Variants in LMBR1 observed in about 807,000 individuals in gnomAD.
The protein encoded by LMBR1 is limb development membrane protein 1.
In LMBR1, 52 loss-of-function variants were observed where a neutral mutation model predicts 73.9. The observed-to-expected ratio is 0.70, with a 90% confidence interval of 0.56 to 0.89. The LOEUF is 0.89. LMBR1 is among the 40% of genes least tolerant of loss of function. The pLI, the probability that LMBR1 is intolerant of heterozygous loss-of-function variation, is 0.00. For synonymous variants in LMBR1, 215 were observed against 209.4 expected (o/e 1.03, Z -0.23); for missense variants, 539 against 579.8 (o/e 0.93, Z 0.72).
chr7:156,725,863 A>G (rs1815638690), intron 12 of LMBR1, 26 bp from the exon 13 acceptor site: 1 of 1,572,282 alleles, frequency 6.4e-7, no homozygotes, highest in East Asian at 2.2e-5. Flanking sequence ...GACACTTTTC[A>G]GAATTTGATG....
intron 1 of LMBR1, among the ~76,000 whole-genome samples, chr7:156,889,333 A>C (rs1343970835): frequency 6.6e-6 from 1 of 151,026 alleles, no homozygotes; most frequent in Non-Finnish European, 1.5e-5. Flanking sequence ...ACGCCACTGA[A>C]CTGTATATTT....
rs1823639087 is a variant in LMBR1, at chr7:156,764,067, T to C, written c.424-272A>G. On this transcript the variant is annotated intron_variant, in intron 5 of 16. Coordinates refer to ENST00000353442, the MANE Select transcript of LMBR1 (RefSeq NM_022458.4). ...TTTTTAACAATTACTTTCCTAACAC[T>C]TTCCACTAACAAAGCAGATTAATGA... is the stretch of plus-strand genomic sequence containing the variant. 2.6e-5 allele frequency among the ~76,000 whole-genome samples: 4 copies of C among 152,214 alleles called. No homozygotes were observed. The South Asian group carries it at 8.3e-4, about 32-fold the overall frequency.
intron 15 of LMBR1, among the ~76,000 whole-genome samples, chr7:156,692,655 C>T (rs1031678433): frequency 2.6e-5 from 4 of 152,158 alleles, no homozygotes; most frequent in African/African-American, 9.7e-5. Flanking sequence ...AGAGAGACTG[C>T]AGTGTAGAGA....
intron 5 of LMBR1, among the ~76,000 whole-genome samples, chr7:156,794,931 T>A (rs1049446047): frequency 1.3e-5 from 2 of 152,156 alleles, no homozygotes; most frequent in Non-Finnish European, 1.5e-5. Flanking sequence ...TATACTCAAG[T>A]GGTAGATGAA....
Position 156,683,980 on chromosome 7 carries a change from G to T in LMBR1, c.*98C>A. ...ACTGATAGGTCTAGGTTCTGAAGAG[G>T]GGCCACGGTTGAATGGAAATGCTTC... On this transcript the variant is annotated 3_prime_UTR_variant, in exon 17 of 17. Transcript: ENST00000353442. 1.0e-6 allele frequency: 1 copy of T among 962,386 alleles called. No homozygotes were observed. The highest frequency in any genetic ancestry group is 1.6e-6 in the Non-Finnish European group (1 of 613,290). 59.6% of individuals were successfully genotyped at this position (962,386 alleles called of 1,614,324 possible).
At position 156,670,235 on chromosome 7, in the gene LMBR1, G is replaced by A. The variant is rs778055236; in HGVS notation, n.867-948C>T. ...CACACACATTTCCTTCTTTGCAGAG[G>A]AGCTGGATGCTAAGCACGGCTGGCT... On this transcript the variant is annotated intron_variant and non_coding_transcript_variant, in intron 4 of 4. Coordinates refer to the LMBR1 transcript ENST00000430825. This position sits in a 1 kb window ranked among gnomAD's most constrained non-coding sequence, Gnocchi z 4.3. Among the ~76,000 whole-genome samples, 3 of 152,170 alleles carry A rather than the reference G, an allele frequency of 2.0e-5. No individual in the cohort carries two copies. Among genetic ancestry groups the A allele is most frequent in the Non-Finnish European group, 4.4e-5 (3 of 68,030 alleles).
At chr7:156,865,439 T>G (rs1468713871) in intron 1 of LMBR1, among the ~76,000 whole-genome samples, 1 of 152,228 alleles carries the variant, frequency 6.6e-6, no homozygotes, top group Non-Finnish European at 1.5e-5. Context: ...AAAGAATTTC[T>G]GAATATAGAA....
At chr7:156,888,787 G>A (rs1802386807) in intron 1 of LMBR1, among the ~76,000 whole-genome samples, 1 of 152,084 alleles carries the variant, frequency 6.6e-6, no homozygotes, top group African/African-American at 2.4e-5. Flanking sequence ...AGGCACAGTG[G>A]CTCACACCTG....
intron 4 of LMBR1, among the ~76,000 whole-genome samples, chr7:156,815,686 T>C (rs539957008): frequency 2.0e-5 from 3 of 152,260 alleles, no homozygotes; most frequent in East Asian, 3.9e-4. Flanking sequence ...TACTTACTAG[T>C]TTCTCTGAGT....
intron 4 of LMBR1, among the ~76,000 whole-genome samples, chr7:156,824,876 A>C (rs1424402170): frequency 5.3e-5 from 8 of 151,922 alleles, no homozygotes; most frequent in Non-Finnish European, 8.8e-5. Flanking sequence ...GATGTTTTCC[A>C]AGTGGAAAAT....
chr7:156,705,489 G>T (rs1563174293), intron 15 of LMBR1, among the ~76,000 whole-genome samples: 1 of 152,332 alleles, frequency 6.6e-6, no homozygotes, highest in East Asian at 1.9e-4. Flanking sequence ...AGCCTGGGAG[G>T]TAGAGGTTGC....
At chr7:156,833,708 G>T in intron 3 of LMBR1, 45 bp downstream of exon 3, 8 of 1,422,976 alleles carry the variant, frequency 5.6e-6, no homozygotes, top group Non-Finnish European at 6.9e-6. Flanking sequence ...GAGAATTGAT[G>T]ACTTCAGAAT....
At position 156,688,034 on chromosome 7, in the gene LMBR1, G is replaced by T; in HGVS notation, c.1383C>A (p.Ala461=). The change falls in exon 16 of 17, where the codon GCC becomes GCA. Residue 461 remains alanine, a synonymous_variant. Transcript: ENST00000353442. ...TSAVREELFK[A]LGLHKLHLPN... Reference sequence around the variant, plus strand: ...ACCCATAAACCTCAGGATTACCTAGGGCCTTGAAAAGTTCTTCTCGAACTG... The same window carrying T: ...ACCCATAAACCTCAGGATTACCTAGTGCCTTGAAAAGTTCTTCTCGAACTG... 1 of 1,598,000 alleles carries T rather than the reference G, an allele frequency of 6.3e-7. No individual in the cohort carries two copies. The highest frequency in any genetic ancestry group is 8.5e-7 in the Non-Finnish European group (1 of 1,175,090).
intron 10 of LMBR1, 81 bp from the exon 11 acceptor site, chr7:156,728,801 A>T: frequency 1.0e-6 from 1 of 970,276 alleles, no homozygotes. Context: ...TCTGTTTTAT[A>T]CATAATTTCT....
chr7:156,775,349 C>T (rs1259896036), intron 5 of LMBR1, among the ~76,000 whole-genome samples: 2 of 152,046 alleles, frequency 1.3e-5, no homozygotes, highest in African/African-American at 2.4e-5. Flanking sequence ...GCCTGGGCGA[C>T]GAAGTGAGAC....
At chr7:156,676,845 TA>T, downstream of LMBR1, 1 of 572,754 alleles carries the variant, frequency 1.7e-6, no homozygotes, top group Non-Finnish European at 3.1e-6. Flanking sequence ...CTTTGGTCTC[TA>T]AAAAGTAAAT....
downstream of LMBR1, chr7:156,676,000 G>T (rs1274617589): frequency 9.7e-6 from 9 of 929,298 alleles, no homozygotes; most frequent in East Asian, 2.3e-4. Context: ...AGCCGTGGAG[G>T]CTGTGGGGGT....
intron 1 of LMBR1, among the ~76,000 whole-genome samples, chr7:156,884,461 G>T (rs1434873487): frequency 6.6e-6 from 1 of 151,554 alleles, no homozygotes; most frequent in Non-Finnish European, 1.5e-5. Flanking sequence ...TAACAGGAAT[G>T]ACTGTTGCTT....
intron 4 of LMBR1, among the ~76,000 whole-genome samples, chr7:156,803,103 T>C (rs529477885): frequency 1.3e-5 from 2 of 152,024 alleles, no homozygotes; most frequent in African/African-American, 2.4e-5. Flanking sequence ...AAGGACTTCA[T>C]GTCTAAAACA....
Sources: allele counts gnomAD v4.1 joint callset (sites outside exome capture counted in the v4.1 genomes callset), GRCh38; gene constraint gnomAD v4.1.1; non-coding constraint Gnocchi (gnomAD v3.1); transcripts MANE v1.5; gene names NCBI Gene and HGNC (gene_info 2026-07-23, HGNC 2026-07-21).